The following PTPRG variants were observed in gnomAD, a reference collection of about 807,000 sequenced individuals.
PTPRG encodes protein tyrosine phosphatase receptor type G.
A neutral mutation model predicts 165.3 loss-of-function variants in PTPRG; 102 were observed. The observed-to-expected ratio is 0.62, with a 90% CI of 0.53 to 0.73. The LOEUF (loss-of-function observed/expected upper bound fraction) is 0.73, where lower values mean the gene tolerates loss of function less well. Ranked by LOEUF, PTPRG falls within the 30% of genes least tolerant of loss-of-function variation. PTPRG has a pLI of 0.00. For missense variants in PTPRG, 1,866 were observed against 1,861.4 expected (o/e 1.00, Z -0.05); for synonymous variants, 675 against 669.5 (o/e 1.01, Z -0.13).
chr3:61,937,016 C>CT (rs747939076), intron 2 of PTPRG, among the ~76,000 whole-genome samples: 12 of 151,984 alleles, frequency 7.9e-5, no homozygotes, highest in South Asian at 2.1e-4. Context: ...GCAGAGGAGG[C>CT]TTTTTTTTGA....
chr3:61,633,928 T>G (rs115388666), intron 1 of PTPRG, among the ~76,000 whole-genome samples: 2 of 151,990 alleles, frequency 1.3e-5, no homozygotes, highest in African/African-American at 2.4e-5. Flanking sequence ...TGTTTTGTTC[T>G]TTTTATGAAA....
intron 5 of PTPRG, among the ~76,000 whole-genome samples, chr3:62,099,746 T>C (rs1472548209): frequency 6.7e-6 from 1 of 150,354 alleles, no homozygotes; most frequent in Non-Finnish European, 1.5e-5. Flanking sequence ...TTAATATATA[T>C]ATCAAGTGAC....
chr3:61,607,436 T>TA (rs1199527430), intron 1 of PTPRG, among the ~76,000 whole-genome samples: 3 of 149,702 alleles, frequency 2.0e-5, no homozygotes, highest in South Asian at 2.2e-4. Context: ...CCAAAACACT[T>TA]ACCAGATGCA....
At chr3:62,087,514 A>G (rs183804198) in intron 5 of PTPRG, among the ~76,000 whole-genome samples, 402 of 152,352 alleles carry the variant, frequency 2.6e-3, no homozygotes, top group Non-Finnish European at 4.0e-3. Context: ...GCTAATGACA[A>G]CTACTATACA....
intron 10 of PTPRG, among the ~76,000 whole-genome samples, chr3:62,199,053 G>A (rs538365422): frequency 6.6e-6 from 1 of 152,334 alleles, no homozygotes; most frequent in Admixed American, 6.5e-5. Flanking sequence ...GCCACATGCT[G>A]ATGGGGTGGC....
chr3:61,713,000 T>A (rs1472078263), intron 1 of PTPRG, among the ~76,000 whole-genome samples: 2 of 152,110 alleles, frequency 1.3e-5, no homozygotes, highest in African/African-American at 2.4e-5. Flanking sequence ...CATACCAACT[T>A]CAGGAATTTT....
chr3:61,823,943 A>G (rs1243254993), intron 2 of PTPRG, among the ~76,000 whole-genome samples: 7 of 152,100 alleles, frequency 4.6e-5, no homozygotes, highest in Non-Finnish European at 8.8e-5. Flanking sequence ...TGGCTAACAC[A>G]GGGAAACCCC....
intron 6 of PTPRG, among the ~76,000 whole-genome samples, chr3:62,143,263 G>T (rs1038267011): frequency 5.3e-5 from 8 of 152,186 alleles, no homozygotes. Flanking sequence ...AATGGCTGAA[G>T]TTTCTGAAAA....
chr3:61,764,519 G>A (rs78551040), intron 2 of PTPRG, among the ~76,000 whole-genome samples: 1 of 151,940 alleles, frequency 6.6e-6, no homozygotes, highest in Non-Finnish European at 1.5e-5. Context: ...AAAGTGTAAA[G>A]TGAGGTGGTG....
intron 4 of PTPRG, among the ~76,000 whole-genome samples, chr3:62,030,805 T>C (rs1469245209): frequency 6.6e-6 from 1 of 152,176 alleles, no homozygotes; most frequent in African/African-American, 2.4e-5. Context: ...AACAAGGAAT[T>C]GTCATTGAAT....
intron 1 of PTPRG, among the ~76,000 whole-genome samples, chr3:61,648,828 A>G (rs181685681): frequency 6.9e-4 from 105 of 152,360 alleles, no homozygotes; most frequent in African/African-American, 2.3e-3. Flanking sequence ...AAGAAAAGTA[A>G]TGAGGGTTGG....
intron 2 of PTPRG, among the ~76,000 whole-genome samples, chr3:61,851,824 A>G (rs1169299329): frequency 1.3e-5 from 2 of 152,148 alleles, no homozygotes; most frequent in Non-Finnish European, 1.5e-5. Context: ...TCAGTAGCAT[A>G]ATTGTGGAGG....
At chr3:61,697,458 G>A (rs1471601482) in intron 1 of PTPRG, among the ~76,000 whole-genome samples, 2 of 152,168 alleles carry the variant, frequency 1.3e-5, no homozygotes, top group South Asian at 2.1e-4. Flanking sequence ...GGTCTTAGAA[G>A]TCTCATTAAA....
intron 4 of PTPRG, among the ~76,000 whole-genome samples, chr3:62,072,960 A>C (rs1221455880): frequency 6.6e-6 from 1 of 152,176 alleles, no homozygotes; most frequent in Middle Eastern, 3.2e-3. Flanking sequence ...TGTGCTTGAT[A>C]GGAGTTGCTA....
chr3:62,105,238 G>C (rs759135971), intron 5 of PTPRG, among the ~76,000 whole-genome samples: 2 of 152,170 alleles, frequency 1.3e-5, no homozygotes, highest in Non-Finnish European at 2.9e-5. Context: ...TTGTCAGTGG[G>C]AAAATTGGTT....
Position 61,792,535 on chromosome 3 carries a change from G to T in PTPRG, c.190+43553G>T, listed in dbSNP as rs184011229. On this transcript the variant is annotated intron_variant, in intron 2 of 29. Transcript: ENST00000474889. ...GCCTACACTTAGTGGGCCCACGTTG[G>T]GCTATGCCACATTCTTCTCAGTTCT... Among the ~76,000 whole-genome samples the T allele has an allele frequency of 2.3e-3, 353 of 152,114 alleles. 1 individual carries two copies. The highest frequency in any genetic ancestry group is 8.3e-3 in the African/African-American group (343 of 41,484).
intron 2 of PTPRG, among the ~76,000 whole-genome samples, chr3:61,984,418 C>T (rs1484757386): frequency 6.6e-6 from 1 of 152,128 alleles, no homozygotes; most frequent in East Asian, 1.9e-4. Context: ...CTCCATTTAT[C>T]CAAAAAGAAT....
intron 2 of PTPRG, among the ~76,000 whole-genome samples, chr3:61,825,464 T>C (rs2107271832): frequency 6.6e-6 from 1 of 152,354 alleles, no homozygotes. Context: ...AAGAGTTTCA[T>C]ACCTATTGTT....
At chr3:61,829,946 A>G (rs985584294) in intron 2 of PTPRG, among the ~76,000 whole-genome samples, 14 of 152,294 alleles carry the variant, frequency 9.2e-5, no homozygotes, top group South Asian at 8.3e-4. Flanking sequence ...ACTTCATTTT[A>G]GTTTTTATAA....
Sources: allele counts gnomAD v4.1 joint callset (sites outside exome capture counted in the v4.1 genomes callset), GRCh38; gene constraint gnomAD v4.1.1; transcripts MANE v1.5; gene names NCBI Gene and HGNC (gene_info 2026-07-23, HGNC 2026-07-21).